Variants in BZW2 observed in about 807,000 individuals in gnomAD.
BZW2 encodes eIF5-mimic protein 1.
BZW2 carries 23 observed loss-of-function variants against 53.2 expected under a neutral mutation model. That is an observed-to-expected ratio of 0.43 (90% CI 0.31 to 0.61). The LOEUF (loss-of-function observed/expected upper bound fraction) is 0.61, where lower values mean the gene tolerates loss of function less well. BZW2 is among the 20% of genes least tolerant of loss of function. The pLI is 0.09. For missense variants in BZW2, 409 were observed against 503.1 expected (o/e 0.81, Z 1.79); for synonymous variants, 227 against 186.4 (o/e 1.22, Z -1.77).
intron 3 of BZW2, among the ~76,000 whole-genome samples, chr7:16,677,646 T>C (rs909016103): frequency 6.6e-6 from 1 of 152,200 alleles, no homozygotes; most frequent in South Asian, 2.1e-4. Flanking sequence ...GCTTCGATTC[T>C]GGAAGAGACA....
chr7:16,700,643 C>G (rs185568350), intron 10 of BZW2: 1 of 152,228 alleles, frequency 6.6e-6, no homozygotes, highest in African/African-American at 2.4e-5. Context: ...ACTGTTGTAC[C>G]AGGACCACTG....
rs765564580 is a variant in BZW2 at position 16,694,914 on chromosome 7, C to A, written c.732C>A (p.Asp244Glu). 1.3e-6 allele frequency: 2 copies of A among 1,597,142 alleles called. No individual in the cohort carries two copies. The highest frequency in any genetic ancestry group is 1.3e-5 in the African/African-American group (1 of 74,726). The change falls in exon 8 of 12, where the codon GAC (aspartate) becomes GAA (glutamate). Residue 244 changes from aspartate to glutamate, a missense_variant. By Grantham distance (45) the Asp-to-Glu change is conservative (BLOSUM62 2). Transcript: ENST00000258761. ...FTDAGLKELS[D>E]FLRVQQSLGT... Reference sequence around the variant, plus strand: ...ACGCAGGTCTTAAGGAGCTTTCCGACTTCCTCCGAGTCCAGCAGTCCCTGG... The same window carrying A: ...ACGCAGGTCTTAAGGAGCTTTCCGAATTCCTCCGAGTCCAGCAGTCCCTGG...
intron 10 of BZW2, among the ~76,000 whole-genome samples, chr7:16,701,977 A>G (rs928315964): frequency 6.6e-6 from 1 of 152,208 alleles, no homozygotes; most frequent in African/African-American, 2.4e-5. Context: ...CTCAAGGTAC[A>G]TGTATCTCAC....
At chr7:16,703,210 T>C (rs1403586547) in intron 10 of BZW2, among the ~76,000 whole-genome samples, 3 of 152,228 alleles carry the variant, frequency 2.0e-5, no homozygotes, top group South Asian at 2.1e-4. Context: ...GGACCCCTGA[T>C]TGTAGCTCTT....
intron 10 of BZW2, among the ~76,000 whole-genome samples, chr7:16,702,872 T>C (rs1156984658): frequency 6.6e-6 from 1 of 152,200 alleles, no homozygotes; most frequent in Admixed American, 6.5e-5. Context: ...AACTCAAAAA[T>C]ATACATATGT....
intron 2 of BZW2, among the ~76,000 whole-genome samples, chr7:16,666,389 T>TTTTATTTATCTATTTA (rs1782428186): frequency 6.9e-6 from 1 of 145,926 alleles, no homozygotes; most frequent in South Asian, 2.2e-4. Flanking sequence ...TATAAAAGAC[T>TTTTATTTATCTATTTA]TTTATTTATT....
intron 2 of BZW2, among the ~76,000 whole-genome samples, chr7:16,669,907 T>C (rs1782548023): frequency 1.3e-5 from 2 of 152,220 alleles, no homozygotes; most frequent in Admixed American, 1.3e-4. Context: ...AATGGCATAT[T>C]TTCATTCGAA....
intron 3 of BZW2, among the ~76,000 whole-genome samples, chr7:16,680,897 A>G (rs1782923733): frequency 6.6e-6 from 1 of 152,126 alleles, no homozygotes; most frequent in Non-Finnish European, 1.5e-5. Context: ...CAAGGTCAGG[A>G]GTTCGAGACC....
Position 16,646,202 on chromosome 7 carries a change from ACTGCTGCTG to A in BZW2, c.-80_-72del, listed in dbSNP as rs560205352. The A allele has an allele frequency of 5.9e-6, 2 of 337,704 alleles. No homozygotes were observed. Among genetic ancestry groups the A allele is most frequent in the Non-Finnish European group, 1.2e-5 (2 of 166,434 alleles). 20.9% of individuals were successfully genotyped at this position (337,704 alleles called of 1,614,324 possible). A position where few individuals can be genotyped will look rare whatever the true frequency, so the allele number is the denominator to read the frequency against. ...CTTCACTCCTCCATTGTCTGCCGCC[ACTGCTGCTG>A]CTGCTGCTGCTGCCGCTGCTGCTGC... is the stretch of plus-strand genomic sequence containing the variant. On this transcript the variant is annotated 5_prime_UTR_variant, in exon 1 of 12. Transcript: ENST00000258761.
chr7:16,661,815 T>C (rs1410493289), intron 1 of BZW2, among the ~76,000 whole-genome samples: 1 of 152,136 alleles, frequency 6.6e-6, no homozygotes, highest in Non-Finnish European at 1.5e-5. Context: ...GTGTATTTTG[T>C]GTGTGGCTTA....
chr7:16,680,874 G>A (rs1418332073), intron 3 of BZW2, among the ~76,000 whole-genome samples: 6 of 152,128 alleles, frequency 3.9e-5, no homozygotes, highest in Non-Finnish European at 8.8e-5. Context: ...GGGAGGCTGA[G>A]GTGGGCGGAT....
At chr7:16,648,831 G>A (rs1192571919) in intron 1 of BZW2, among the ~76,000 whole-genome samples, 1 of 152,050 alleles carries the variant, frequency 6.6e-6, no homozygotes, top group Admixed American at 6.5e-5. Flanking sequence ...CTCCTCTCCA[G>A]ATCTGATGAA....
intron 1 of BZW2, among the ~76,000 whole-genome samples, chr7:16,658,055 C>G (rs547638009): frequency 1.2e-3 from 176 of 152,224 alleles, no homozygotes; most frequent in African/African-American, 4.0e-3. Flanking sequence ...AGAATGACAT[C>G]AGTAAAATTA....
At chr7:16,685,711 C>T (rs572177788) in intron 5 of BZW2, among the ~76,000 whole-genome samples, 194 bp from the exon 6 acceptor site, 2 of 152,186 alleles carry the variant, frequency 1.3e-5, no homozygotes, top group East Asian at 1.9e-4. Flanking sequence ...ACTCTGCCTG[C>T]TCAAGTCACT....
In BZW2 at chr7:16,689,848, A is replaced by C; in HGVS notation, c.593A>C (p.Lys198Thr). 1 of 1,612,192 alleles carries C rather than the reference A, an allele frequency of 6.2e-7. No individual in the cohort carries two copies. The highest frequency in any genetic ancestry group is 8.5e-7 in the Non-Finnish European group (1 of 1,179,068). Reference protein sequence around the residue: ...VKLFKAWMAEKDANSVTSSLR... With the variant: ...VKLFKAWMAETDANSVTSSLR... Reference sequence around the variant, plus strand: ...CTTTTCAAAGCATGGATGGCAGAAAAAGATGCCAACTCTGTTACCTCGTCT... The same window carrying C: ...CTTTTCAAAGCATGGATGGCAGAAACAGATGCCAACTCTGTTACCTCGTCT... The change falls in exon 7 of 12, where the codon AAA (lysine) becomes ACA (threonine). Residue 198 changes from lysine (K) to threonine (T), a missense_variant. Around this residue, in one of 3 missense-constraint regions of BZW2, gnomAD observed 316 missense variants for 366.8 expected, o/e 0.86. Coordinates refer to ENST00000258761, the MANE Select transcript of BZW2 (RefSeq NM_014038.3).
chr7:16,663,646 A>G (rs899240972), intron 1 of BZW2, among the ~76,000 whole-genome samples: 7 of 152,146 alleles, frequency 4.6e-5, no homozygotes, highest in African/African-American at 1.4e-4. Flanking sequence ...TGAATAATGT[A>G]AATTTTTTAT....
At chr7:16,673,918 A>G (rs896926984) in intron 2 of BZW2, among the ~76,000 whole-genome samples, 1 of 151,848 alleles carries the variant, frequency 6.6e-6, no homozygotes, top group Admixed American at 6.6e-5. Flanking sequence ...AATTTTTTTG[A>G]GACAGCGTTT....
At chr7:16,705,933 ATAATGGGTG>A in intron 11 of BZW2, 118 bp from the exon 12 acceptor site, 1 of 1,030,684 alleles carries the variant, frequency 9.7e-7, no homozygotes, top group South Asian at 1.5e-5. Flanking sequence ...ATTTTACCTT[ATAATGGGTG>A]CCTAGGGTAA....
At chr7:16,646,516 G>A (rs571351819) in intron 1 of BZW2, among the ~76,000 whole-genome samples, 10 of 151,664 alleles carry the variant, frequency 6.6e-5, no homozygotes, top group Admixed American at 6.6e-4. Context: ...ACGTTTGGCC[G>A]CCTCGGGAGA....
Sources: allele counts gnomAD v4.1 joint callset (sites outside exome capture counted in the v4.1 genomes callset), GRCh38; gene constraint gnomAD v4.1.1; regional missense constraint gnomAD v4.1.1; transcripts MANE v1.5; gene names NCBI Gene and HGNC (gene_info 2026-07-23, HGNC 2026-07-21).